SCFD2: variants seen among roughly 807,000 people sequenced by gnomAD.
SCFD2 encodes the protein sec1 family domain containing 2, also known as sec1 family domain-containing protein 2.
A neutral mutation model predicts 58.9 loss-of-function variants in SCFD2; 54 were observed. The ratio of observed to expected loss-of-function variants is 0.92; its 90% CI spans 0.74 to 1.15. The LOEUF is 1.15. Among genes scored for constraint, SCFD2 ranks in the 50% most tolerant of loss-of-function variants. SCFD2 has a pLI of 0.00. For synonymous variants in SCFD2, 321 were observed against 335.9 expected (o/e 0.96, Z 0.49); for missense variants, 805 against 836.6 (o/e 0.96, Z 0.47).
chr4:53,201,539 C>A (rs1453011801), intron 4 of SCFD2, among the ~76,000 whole-genome samples: 2 of 152,090 alleles, frequency 1.3e-5, no homozygotes, highest in Admixed American at 6.6e-5. Context: ...GGTAAATACC[C>A]AGTAATGGGA....
intron 5 of SCFD2, among the ~76,000 whole-genome samples, chr4:53,115,341 A>C (rs2148887776): frequency 6.6e-6 from 1 of 152,286 alleles, no homozygotes; most frequent in Non-Finnish European, 1.5e-5. Context: ...GAAAAGACTG[A>C]GTCAGGGTAT....
At chr4:53,253,397 C>T (rs2149043051) in intron 4 of SCFD2, among the ~76,000 whole-genome samples, 1 of 151,990 alleles carries the variant, frequency 6.6e-6, no homozygotes, top group African/African-American at 2.4e-5. Context: ...GGGTATATAC[C>T]CAAAGGACTA....
intron 5 of SCFD2, chr4:52,955,832 T>C (rs181171443): frequency 1.0e-4 from 34 of 339,184 alleles, no homozygotes; most frequent in African/African-American, 7.3e-4. Context: ...TCAGTAATAA[T>C]GATTTGGGGC....
intron 5 of SCFD2, among the ~76,000 whole-genome samples, chr4:53,103,763 G>A (rs1724897860): frequency 2.1e-5 from 1 of 47,626 alleles, no homozygotes; most frequent in African/African-American, 5.8e-5. Context: ...CAGAAAGTAA[G>A]GAAGTAAAAA....
At chr4:52,930,142 G>T (rs377136961) in intron 5 of SCFD2, among the ~76,000 whole-genome samples, 50 of 152,208 alleles carry the variant, frequency 3.3e-4, no homozygotes, top group African/African-American at 1.1e-3. Context: ...GCATGGTACT[G>T]GTACAAAGAC....
intron 4 of SCFD2, among the ~76,000 whole-genome samples, chr4:53,237,683 G>A (rs1729688664): frequency 3.0e-5 from 4 of 132,922 alleles, no homozygotes; most frequent in African/African-American, 8.4e-5. Flanking sequence ...GCGGCTGGCC[G>A]GGCAGAGGGG....
At chr4:53,087,499 A>G (rs1300605476) in intron 5 of SCFD2, among the ~76,000 whole-genome samples, 1 of 151,888 alleles carries the variant, frequency 6.6e-6, no homozygotes, top group African/African-American at 2.4e-5. Context: ...ACACCCAACT[A>G]ATTTTGTATT....
At chr4:53,319,289 T>C (rs541322663) in intron 2 of SCFD2, among the ~76,000 whole-genome samples, 3 of 152,318 alleles carry the variant, frequency 2.0e-5, no homozygotes, top group African/African-American at 7.2e-5. Flanking sequence ...TGGGTCAAAA[T>C]TAGCCATTGA....
Position 53,249,140 on chromosome 4 carries a change from C to T in SCFD2, c.1311+24686G>A, listed in dbSNP as rs573493133. On this transcript the variant is annotated intron_variant, in intron 4 of 8. Transcript: ENST00000401642. ...GCTGATGGAGCTGAAAGCCAAGGCT[C>T]GAGAACTACGTGAAGAATGCAGAAG... Among the ~76,000 whole-genome samples the T allele has an allele frequency of 3.6e-4, 54 of 152,090 alleles. 2 individuals are homozygous for T. The South Asian group carries it at 9.6e-3, about 27-fold the overall frequency.
chr4:53,282,995 C>T (rs1731552506), intron 3 of SCFD2, among the ~76,000 whole-genome samples: 1 of 152,154 alleles, frequency 6.6e-6, no homozygotes, highest in African/African-American at 2.4e-5. Context: ...ACTCCAGCCT[C>T]AGAAGCCTCA....
intron 5 of SCFD2, among the ~76,000 whole-genome samples, chr4:52,969,793 G>T (rs1721051239): frequency 6.6e-6 from 1 of 152,158 alleles, no homozygotes; most frequent in Admixed American, 6.5e-5. Context: ...TAGCCCCTGA[G>T]ATTTGGGGAT....
intron 6 of SCFD2, among the ~76,000 whole-genome samples, chr4:52,917,157 TC>T (rs1413889619): frequency 6.6e-6 from 1 of 152,206 alleles, no homozygotes; most frequent in Non-Finnish European, 1.5e-5. Context: ...TTCTTTCACC[TC>T]AGCCTCCCCA....
intron 5 of SCFD2, among the ~76,000 whole-genome samples, chr4:52,941,763 C>T (rs1248890888): frequency 6.6e-6 from 1 of 152,228 alleles, no homozygotes; most frequent in Non-Finnish European, 1.5e-5. Context: ...ACCCACTGCA[C>T]AGTGCATGCT....
intron 4 of SCFD2, among the ~76,000 whole-genome samples, chr4:53,176,722 G>T (rs1404231241): frequency 6.6e-6 from 1 of 152,146 alleles, no homozygotes; most frequent in Non-Finnish European, 1.5e-5. Context: ...GTCCAAGGCG[G>T]GTGAATCACC....
chr4:53,230,553 A>G (rs1368081066), intron 4 of SCFD2, among the ~76,000 whole-genome samples: 1 of 146,810 alleles, frequency 6.8e-6, no homozygotes, highest in Non-Finnish European at 1.5e-5. Flanking sequence ...GTTCTCACTC[A>G]TAGGTGGGAA....
intron 5 of SCFD2, among the ~76,000 whole-genome samples, chr4:52,978,806 G>C (rs1455491200): frequency 6.6e-6 from 1 of 152,116 alleles, no homozygotes. Flanking sequence ...GGCCCCCTAA[G>C]AGTGAAGCAA....
intron 5 of SCFD2, among the ~76,000 whole-genome samples, chr4:53,139,742 G>C: frequency 6.6e-6 from 1 of 152,256 alleles, no homozygotes; most frequent in East Asian, 1.9e-4. Context: ...CCATGATGAC[G>C]ATGGTGGTTT....
intron 5 of SCFD2, among the ~76,000 whole-genome samples, chr4:53,096,260 AT>A (rs1220707792): frequency 1.3e-5 from 2 of 152,184 alleles, no homozygotes; most frequent in Non-Finnish European, 2.9e-5. Context: ...GTCAAATGGT[AT>A]TTCTAGTTCT....
chr4:53,047,512 G>A (rs1030333013), intron 5 of SCFD2, among the ~76,000 whole-genome samples: 1 of 152,162 alleles, frequency 6.6e-6, no homozygotes, highest in African/African-American at 2.4e-5. Context: ...TTTGCAGGTT[G>A]TGTCTTCTTG....
Sources: gnomAD v4.1 joint callset for allele counts (sites outside exome capture counted in the v4.1 genomes callset) on GRCh38, gnomAD v4.1.1 for gene constraint, MANE v1.5 for transcripts, NCBI Gene and HGNC (gene_info 2026-07-23, HGNC 2026-07-21) for gene names.